KCNH1: variants seen among roughly 807,000 people sequenced by gnomAD.
KCNH1 encodes potassium voltage-gated channel subfamily H member 1.
Under a neutral mutation model 69.2 loss-of-function variants are expected in KCNH1, and 27 were observed. That is an observed-to-expected ratio of 0.39 (90% confidence interval 0.29 to 0.54). The LOEUF (loss-of-function observed/expected upper bound fraction) is 0.54, where lower values mean the gene tolerates loss of function less well. KCNH1 is among the 20% of genes least tolerant of loss of function. The pLI is 0.68. For synonymous variants in KCNH1, 456 were observed against 487.7 expected, an observed-to-expected ratio of 0.93 and a Z score of 0.86; for missense variants, 798 against 1,261.6, an observed-to-expected ratio of 0.63 and a Z score of 5.57.
intron 10 of KCNH1, among the ~76,000 whole-genome samples, chr1:210,714,160 T>C (rs1345392686): frequency 6.6e-6 from 1 of 152,162 alleles, no homozygotes; most frequent in African/African-American, 2.4e-5. Flanking sequence ...GGCTGTAGAC[T>C]TGCATGTGGA....
At chr1:210,835,244 T>A (rs1685256995) in intron 7 of KCNH1, among the ~76,000 whole-genome samples, 1 of 152,170 alleles carries the variant, frequency 6.6e-6, no homozygotes. Flanking sequence ...CTCTTAGTCA[T>A]CTTGGAAAAT....
At chr1:210,710,950 C>T (rs1056683507) in intron 10 of KCNH1, among the ~76,000 whole-genome samples, 3 of 152,216 alleles carry the variant, frequency 2.0e-5, no homozygotes, top group Non-Finnish European at 4.4e-5. Flanking sequence ...CCCATAATCC[C>T]CACCAGCTTC....
intron 10 of KCNH1, among the ~76,000 whole-genome samples, chr1:210,760,565 T>C (rs1313721430): frequency 6.6e-6 from 1 of 152,182 alleles, no homozygotes; most frequent in African/African-American, 2.4e-5. Flanking sequence ...AACAAACGAA[T>C]GTGTATTTGT....
intron 5 of KCNH1, among the ~76,000 whole-genome samples, chr1:211,061,061 CA>C (rs1690425461): frequency 6.6e-6 from 1 of 152,100 alleles, no homozygotes; most frequent in Non-Finnish European, 1.5e-5. Flanking sequence ...AAATCCTCAA[CA>C]AAATACTAGC....
Position 210,735,707 on chromosome 1 carries a change from C to A in KCNH1, c.2112+39641G>T, listed in dbSNP as rs1049450396. Among the ~76,000 whole-genome samples, 7 of 151,906 alleles carry A rather than the reference C, an allele frequency of 4.6e-5. No homozygotes were observed. The East Asian group carries it at 1.4e-3, about 29-fold the overall frequency. On this transcript the variant is annotated intron_variant, in intron 10 of 10. Transcript: ENST00000271751. Reference sequence around the variant, plus strand: ...TTACTTGCCTGTGAATCAATCTATACCATTCTTTCCCCACAGTTGAGTGCA... The same window carrying A: ...TTACTTGCCTGTGAATCAATCTATAACATTCTTTCCCCACAGTTGAGTGCA...
chr1:210,764,073 A>C (rs1683573363), intron 10 of KCNH1, among the ~76,000 whole-genome samples: 1 of 152,142 alleles, frequency 6.6e-6, no homozygotes, highest in Non-Finnish European at 1.5e-5. Flanking sequence ...CCACACACCT[A>C]AAACTAACTG....
intron 7 of KCNH1, among the ~76,000 whole-genome samples, chr1:210,842,058 C>T (rs998150138): frequency 6.6e-6 from 1 of 152,102 alleles, no homozygotes; most frequent in Non-Finnish European, 1.5e-5. Flanking sequence ...AGGTGATAAA[C>T]ACTGACCCAA....
At chr1:210,738,615 G>A (rs929254779) in intron 10 of KCNH1, among the ~76,000 whole-genome samples, 8 of 132,552 alleles carry the variant, frequency 6.0e-5, no homozygotes, top group South Asian at 2.5e-4. Flanking sequence ...ACTAGGCTCC[G>A]GTGCCGTGGC....
chr1:210,794,490 A>G (rs1257194691), intron 9 of KCNH1, among the ~76,000 whole-genome samples: 3 of 152,256 alleles, frequency 2.0e-5, no homozygotes, highest in Admixed American at 2.0e-4. Flanking sequence ...CTCTAGATTT[A>G]GAGACGCAGT....
At chr1:211,078,400 G>C (rs1375807205) in intron 5 of KCNH1, among the ~76,000 whole-genome samples, 2 of 152,140 alleles carry the variant, frequency 1.3e-5, no homozygotes, top group African/African-American at 4.8e-5. Flanking sequence ...GTAAAGAACA[G>C]AAATCACAAC....
chr1:210,991,302 G>C (rs114504735), intron 6 of KCNH1, among the ~76,000 whole-genome samples: 17 of 152,242 alleles, frequency 1.1e-4, no homozygotes, highest in African/African-American at 3.1e-4. Context: ...CTTGTCATTT[G>C]CAACACCATG....
chr1:210,943,869 A>G (rs1687914758), intron 6 of KCNH1, among the ~76,000 whole-genome samples: 1 of 152,202 alleles, frequency 6.6e-6, no homozygotes, highest in Admixed American at 6.5e-5. Flanking sequence ...GTGTCCTGGG[A>G]CTACCCAGGG....
intron 6 of KCNH1, among the ~76,000 whole-genome samples, chr1:210,961,538 T>C (rs553604718): frequency 1.3e-5 from 2 of 152,306 alleles, no homozygotes; most frequent in African/African-American, 4.8e-5. Flanking sequence ...GTTTCCTGAA[T>C]ATACAGAATA....
intron 2 of KCNH1, 119 bp downstream of exon 2, chr1:211,107,135 T>C: frequency 9.0e-7 from 1 of 1,107,726 alleles, no homozygotes; most frequent in Non-Finnish European, 1.3e-6. Flanking sequence ...TGGCAATAAA[T>C]TTTCCTGTGA....
In KCNH1 at chr1:210,813,812, C is replaced by T. The variant is rs114899030; in HGVS notation, c.1463-9646G>A. ...ACCATAATTCCCATGTGTTGTGGGA[C>T]GGACCTGGTGAAGGGTAACTGAATC... On this transcript the variant is annotated intron_variant, in intron 7 of 10. Coordinates refer to ENST00000271751, the MANE Select transcript of KCNH1 (RefSeq NM_172362.3). Among the ~76,000 whole-genome samples the T allele has an allele frequency of 3.1e-3, 468 of 152,292 alleles. 3 individuals are homozygous for T. Among genetic ancestry groups the T allele is most frequent in the African/African-American group, 0.01 (433 of 41,576 alleles).
At chr1:210,867,318 T>C (rs937121149) in intron 7 of KCNH1, among the ~76,000 whole-genome samples, 1 of 145,782 alleles carries the variant, frequency 6.9e-6, no homozygotes, top group African/African-American at 2.5e-5. Context: ...CATAGAATTA[T>C]ATGTATATGT....
rs552508460 is a variant in KCNH1 at position 210,737,445 on chromosome 1, T to C, written c.2112+37903A>G. 1.7e-4 allele frequency among the ~76,000 whole-genome samples: 26 copies of C among 152,314 alleles called. 1 individual carries two copies. In the South Asian group the frequency reaches 5.0e-3, roughly 29 times the overall value. On this transcript the variant is annotated intron_variant, in intron 10 of 10. Coordinates refer to ENST00000271751, the MANE Select transcript of KCNH1 (RefSeq NM_172362.3). ...AATTAAGATTTTGAGTCAATTAATATTTATACTCTTTCTACTCAGGATTCA... is the reference window on the plus strand; with the variant it reads ...AATTAAGATTTTGAGTCAATTAATACTTATACTCTTTCTACTCAGGATTCA...
intron 6 of KCNH1, among the ~76,000 whole-genome samples, chr1:210,988,481 T>C (rs947521627): frequency 2.0e-5 from 3 of 152,154 alleles, no homozygotes; most frequent in Non-Finnish European, 4.4e-5. Context: ...CTGAGAACCG[T>C]TTACAAATTC....
At chr1:211,094,169 T>G (rs943891258) in intron 3 of KCNH1, among the ~76,000 whole-genome samples, 1 of 152,222 alleles carries the variant, frequency 6.6e-6, no homozygotes, top group Non-Finnish European at 1.5e-5. Context: ...AGGATTAAAC[T>G]GCTCCACCTC....
Sources: gnomAD v4.1 joint callset for allele counts (sites outside exome capture counted in the v4.1 genomes callset) on GRCh38, gnomAD v4.1.1 for gene constraint, MANE v1.5 for transcripts, NCBI Gene and HGNC (gene_info 2026-07-23, HGNC 2026-07-21) for gene names.